Variants in COL21A1 observed in about 807,000 individuals in gnomAD.
The protein encoded by COL21A1 is collagen alpha-1(XXI) chain.
In COL21A1, 149 loss-of-function variants were observed where a neutral mutation model predicts 137.9. The observed-to-expected ratio is 1.08, with a 90% CI of 0.95 to 1.24. The LOEUF is 1.24. Among genes scored for constraint, COL21A1 ranks in the 50% most tolerant of loss-of-function variants. The probability of loss-of-function intolerance (pLI) is 0.00; values close to 1 mark genes in which losing one functional copy is unlikely to be tolerated. For synonymous variants in COL21A1, 456 were observed against 391.5 expected (o/e 1.16, Z -1.95); for missense variants, 1,167 against 1,158.4 (o/e 1.01, Z -0.11).
chr6:56,186,662 T>C (rs1041614998), intron 1 of COL21A1, among the ~76,000 whole-genome samples: 1 of 152,274 alleles, frequency 6.6e-6, no homozygotes, highest in Non-Finnish European at 1.5e-5. Context: ...AGACACAAGA[T>C]TAATGGTTTC....
chr6:56,178,856 C>T (rs1020114759), intron 3 of COL21A1, among the ~76,000 whole-genome samples: 1 of 151,998 alleles, frequency 6.6e-6, no homozygotes. Context: ...TTTTAAAGTG[C>T]AATTTTAACG....
At chr6:56,066,650 A>G (rs1388922633) in intron 23 of COL21A1, among the ~76,000 whole-genome samples, 1 of 151,862 alleles carries the variant, frequency 6.6e-6, no homozygotes. Context: ...TGACTCAGCT[A>G]GTGGCATCTT....
chr6:56,362,908 G>A (rs1425739433), intron 1 of COL21A1, among the ~76,000 whole-genome samples: 2 of 151,898 alleles, frequency 1.3e-5, no homozygotes, highest in Non-Finnish European at 2.9e-5. Flanking sequence ...TACCCCCCAC[G>A]CCCACATTGC....
intron 1 of COL21A1, among the ~76,000 whole-genome samples, chr6:56,277,058 G>A (rs1048816845): frequency 2.6e-5 from 4 of 151,860 alleles, no homozygotes; most frequent in Non-Finnish European, 5.9e-5. Context: ...CTGACCTCAT[G>A]ATCCGCCCGC....
intron 17 of COL21A1, among the ~76,000 whole-genome samples, chr6:56,083,342 A>C (rs1034622723): frequency 2.0e-5 from 3 of 151,926 alleles, no homozygotes; most frequent in Non-Finnish European, 4.4e-5. Context: ...GCCCCAAGGA[A>C]TCTATCCTTC....
intron 1 of COL21A1, among the ~76,000 whole-genome samples, chr6:56,270,835 T>G: frequency 6.6e-6 from 1 of 152,192 alleles, no homozygotes; most frequent in South Asian, 2.1e-4. Context: ...AGAAGGTGCC[T>G]GCTTCCCCTT....
At chr6:56,178,826 T>G (rs1156899302) in intron 3 of COL21A1, among the ~76,000 whole-genome samples, 1 of 152,110 alleles carries the variant, frequency 6.6e-6, no homozygotes, top group Non-Finnish European at 1.5e-5. Context: ...TCAAATGTTC[T>G]GTGAAAGGGA....
intron 10 of COL21A1, among the ~76,000 whole-genome samples, chr6:56,148,300 A>G (rs1774998152): frequency 1.4e-5 from 2 of 146,604 alleles, no homozygotes; most frequent in African/African-American, 5.0e-5. Flanking sequence ...CATTTGTAGT[A>G]AATGGTTCAT....
chr6:56,208,803 T>A (rs918988238), intron 1 of COL21A1, among the ~76,000 whole-genome samples: 2 of 151,976 alleles, frequency 1.3e-5, no homozygotes, highest in African/African-American at 4.8e-5. Flanking sequence ...ATCAAAACAT[T>A]ATGGTACTGG....
chr6:56,303,612 C>G (rs532762378), intron 1 of COL21A1, among the ~76,000 whole-genome samples: 12 of 152,278 alleles, frequency 7.9e-5, no homozygotes, highest in African/African-American at 2.4e-4. Flanking sequence ...AGTTGCCTAT[C>G]AGCTTAAGGA....
chr6:56,122,382 G>A (rs1458741387), intron 16 of COL21A1, among the ~76,000 whole-genome samples: 2 of 151,174 alleles, frequency 1.3e-5, no homozygotes, highest in Admixed American at 6.6e-5. Flanking sequence ...GCGCCATCTC[G>A]GCTCACTGCA....
In COL21A1 at chr6:56,130,165, T is replaced by TTATATATATATATATA. The variant is rs201644225; in HGVS notation, c.1543-4032_1543-4017dup. ...CCCTGAGAGCATTCATGACAGGGTT[T>TTATATATATATATATA]TATATATATATATATATATATATAT... is the stretch of plus-strand genomic sequence containing the variant. On this transcript the variant is annotated intron_variant, in intron 12 of 29. Transcript: ENST00000244728. 2.4e-4 allele frequency among the ~76,000 whole-genome samples: 26 copies of TTATATATATATATATA among 107,910 alleles called. 1 individual carries two copies. The highest frequency in any genetic ancestry group is 4.0e-4 in the Non-Finnish European group (21 of 53,122). 70.8% of individuals were successfully genotyped at this position (107,910 alleles called of 152,430 possible).
intron 16 of COL21A1, among the ~76,000 whole-genome samples, chr6:56,123,535 C>G: frequency 6.6e-6 from 1 of 152,138 alleles, no homozygotes; most frequent in Non-Finnish European, 1.5e-5. Context: ...ATGGCTTATA[C>G]AAATCTTCTC....
intron 2 of COL21A1, among the ~76,000 whole-genome samples, chr6:56,181,718 T>C (rs1004588134): frequency 6.6e-5 from 10 of 152,218 alleles, no homozygotes; most frequent in African/African-American, 2.2e-4. Flanking sequence ...AATGACATCA[T>C]AGAAAAGGAA....
chr6:56,199,818 T>C lies in COL21A1; in HGVS notation c.-38-17162A>G, dbSNP rs556874454. Among the ~76,000 whole-genome samples the C allele has an allele frequency of 5.5e-4, 83 of 152,280 alleles. No homozygotes were observed. In the South Asian group the frequency reaches 0.017, roughly 31 times the overall value. The stretch of plus-strand genomic sequence containing the variant: ...CGACAAACATTTATTAAGTGCCTAC[T>C]ATGTGGCAGATACTCTTTTAGGTGC... On this transcript the variant is annotated intron_variant, in intron 1 of 29. Coordinates refer to ENST00000244728, the MANE Select transcript of COL21A1 (RefSeq NM_030820.4).
intron 1 of COL21A1, among the ~76,000 whole-genome samples, chr6:56,273,269 C>T (rs1028477874): frequency 3.3e-5 from 5 of 152,126 alleles, no homozygotes; most frequent in Admixed American, 3.3e-4. Flanking sequence ...GTGCTAAACA[C>T]CTTCATCGAG....
intron 1 of COL21A1, among the ~76,000 whole-genome samples, chr6:56,357,061 T>C (rs1415025257): frequency 6.6e-6 from 1 of 152,176 alleles, no homozygotes; most frequent in Non-Finnish European, 1.5e-5. Flanking sequence ...CCAGGTCCCA[T>C]GAACTGAAAC....
At position 56,290,498 on chromosome 6, in the gene COL21A1, G is replaced by GTTTTTTTTTT. The variant is rs371058894; in HGVS notation, c.-39+103472_-39+103473insAAAAAAAAAA. 3.0e-3 allele frequency among the ~76,000 whole-genome samples: 402 copies of GTTTTTTTTTT among 132,822 alleles called. 27 individuals carry two copies. Among genetic ancestry groups the GTTTTTTTTTT allele is most frequent in the Non-Finnish European group, 4.1e-3 (262 of 64,312 alleles). 87.1% of individuals were successfully genotyped at this position (132,822 alleles called of 152,430 possible). A position where few individuals can be genotyped will look rare whatever the true frequency, so the allele number is the denominator to read the frequency against. ...AGATGCATATTAGAATCACTTAGGAGATTTTTTTTTTTTTTTTTTGAGACG... is the reference window on the plus strand; with the variant it reads ...AGATGCATATTAGAATCACTTAGGAGTTTTTTTTTTATTTTTTTTTTTTTTTTTTGAGACG... On this transcript the variant is annotated intron_variant, in intron 1 of 28. Coordinates refer to the COL21A1 transcript ENST00000370819.
chr6:56,255,845 T>C (rs932443941), intron 1 of COL21A1, among the ~76,000 whole-genome samples: 2 of 152,188 alleles, frequency 1.3e-5, no homozygotes, highest in Admixed American at 1.3e-4. Context: ...GACCCAGCCC[T>C]GCTTCTCACC....
Sources: allele counts gnomAD v4.1 joint callset (sites outside exome capture counted in the v4.1 genomes callset), GRCh38; gene constraint gnomAD v4.1.1; transcripts MANE v1.5; gene names NCBI Gene and HGNC (gene_info 2026-07-23, HGNC 2026-07-21).